RTL9: variants seen among roughly 807,000 people sequenced by gnomAD.
RTL9 encodes retrotransposon Gag-like protein 9.
Under a neutral mutation model 44.7 loss-of-function variants are expected in RTL9, and 19 were observed. The observed-to-expected ratio is 0.42, with a 90% CI of 0.30 to 0.62. RTL9 has a LOEUF of 0.62. RTL9 is among the 20% of genes least tolerant of loss of function. The pLI, the probability that RTL9 is intolerant of heterozygous loss-of-function variation, is 0.16. For synonymous variants in RTL9, 407 were observed against 398.9 expected (o/e 1.02, Z -0.24); for missense variants, 1,105 against 1,080.6 (o/e 1.02, Z -0.32).
At chrX:110,405,094 C>CA (rs1292670243) in intron 1 of RTL9, among the ~76,000 whole-genome samples, 1 of 100,234 alleles carries the variant, frequency 1.0e-5, no homozygotes, top group Non-Finnish European at 2.1e-5. Flanking sequence ...TGTGTCCCCC[C>CA]CCCCCCCAAG....
chrX:110,448,077 C>G (rs1490460619), upstream of RTL9, among the ~76,000 whole-genome samples: 1 of 112,283 alleles, frequency 8.9e-6, no homozygotes, highest in Admixed American at 9.4e-5. Flanking sequence ...TCCATGGAGC[C>G]TTTCTGTTGA....
At chrX:110,443,522 G>A (rs1406739698) in intron 1 of RTL9, among the ~76,000 whole-genome samples, 1 of 112,429 alleles carries the variant, frequency 8.9e-6, no homozygotes, top group African/African-American at 3.2e-5. Context: ...CAAGGTCAAT[G>A]TCAACAGATG....
upstream of RTL9, among the ~76,000 whole-genome samples, chrX:110,417,110 G>C (rs761484167): frequency 8.9e-6 from 1 of 111,990 alleles, no homozygotes; most frequent in African/African-American, 3.2e-5. Flanking sequence ...GGAACAGACA[G>C]AGTGCTCTTC....
At chrX:110,451,096 A>G in exon 1 of RTL9, 1 of 1,212,294 alleles carries the variant, frequency 8.2e-7, no homozygotes, top group Non-Finnish European at 1.1e-6. Context: ...GTAGCACCAG[A>G]TTCTGCAGAG....
chrX:110,444,630 G>T (rs950517081), intron 1 of RTL9, among the ~76,000 whole-genome samples: 2 of 112,449 alleles, frequency 1.8e-5, no homozygotes, highest in Non-Finnish European at 3.8e-5. Flanking sequence ...GTTTCTTAAT[G>T]ATTTTACTTG....
intron 1 of RTL9, among the ~76,000 whole-genome samples, 166 bp from the exon 2 acceptor site, chrX:110,444,987 G>T (rs1189991298): frequency 1.8e-5 from 2 of 112,498 alleles, no homozygotes; most frequent in Non-Finnish European, 3.8e-5. Flanking sequence ...AGGCAGTTCC[G>T]TTTGCTCTTC....
chrX:110,405,088 TCCCC>T (rs35297150), intron 1 of RTL9, among the ~76,000 whole-genome samples: 12 of 74,093 alleles, frequency 1.6e-4, no homozygotes, highest in African/African-American at 5.7e-4. Context: ...GCTTGTTGTG[TCCCC>T]CCCCCCCCCA....
intron 1 of RTL9, among the ~76,000 whole-genome samples, chrX:110,420,542 G>A (rs1306320772): frequency 8.9e-6 from 1 of 112,111 alleles, no homozygotes; most frequent in Non-Finnish European, 1.9e-5. Flanking sequence ...GCTTGATCCA[G>A]AAGGTTTCAT....
At chrX:110,401,819 G>A (rs1228962007) in intron 1 of RTL9, among the ~76,000 whole-genome samples, 1 of 112,269 alleles carries the variant, frequency 8.9e-6, no homozygotes, top group Admixed American at 9.4e-5. Flanking sequence ...TCTCCTAGAC[G>A]TGTTGTGAGG....
chrX:110,405,273 G>A (rs1358745826), intron 1 of RTL9, among the ~76,000 whole-genome samples: 2 of 111,779 alleles, frequency 1.8e-5, no homozygotes, highest in African/African-American at 6.5e-5. Context: ...AAATTGCAAA[G>A]GGAGCTTGTA....
upstream of RTL9, among the ~76,000 whole-genome samples, chrX:110,446,890 G>T (rs184136891): frequency 2.7e-5 from 3 of 111,364 alleles, no homozygotes; most frequent in East Asian, 8.4e-4. Context: ...GTGACATTGG[G>T]AAAGCTAGTT....
chrX:110,360,843 G>A (rs1390765873), intron 1 of RTL9, among the ~76,000 whole-genome samples: 1 of 111,182 alleles, frequency 9.0e-6, no homozygotes, highest in African/African-American at 3.3e-5. Flanking sequence ...TGAATTGAGA[G>A]ACATTATACA....
chrX:110,409,566 C>T (rs1391869811), intron 1 of RTL9, among the ~76,000 whole-genome samples: 1 of 111,244 alleles, frequency 9.0e-6, no homozygotes, highest in Non-Finnish European at 1.9e-5. Flanking sequence ...TCAATGCCCT[C>T]CATGCCCCCA....
intron 1 of RTL9, among the ~76,000 whole-genome samples, chrX:110,403,189 GA>G (rs1297933821): frequency 1.8e-5 from 2 of 111,860 alleles, no homozygotes; most frequent in Admixed American, 1.9e-4. Flanking sequence ...CCAGAGATGT[GA>G]CACCCCCCAG....
chrX:110,454,890 C>A (rs144908828), intron 1 of RTL9, among the ~76,000 whole-genome samples: 3 of 111,339 alleles, frequency 2.7e-5, no homozygotes, highest in Non-Finnish European at 3.8e-5. Context: ...TTACTGAGAA[C>A]GTGGGATAGT....
intron 1 of RTL9, among the ~76,000 whole-genome samples, chrX:110,431,272 C>T (rs774275554): frequency 1.8e-5 from 2 of 109,250 alleles, no homozygotes; most frequent in Non-Finnish European, 3.8e-5. Flanking sequence ...ATCATGGGGA[C>T]AGGGCTCCAA....
chrX:110,423,517 G>A (rs1396684356), intron 1 of RTL9, among the ~76,000 whole-genome samples: 2 of 111,487 alleles, frequency 1.8e-5, no homozygotes, highest in Non-Finnish European at 3.8e-5. Flanking sequence ...AGAGTGAAGG[G>A]TCCATTCAGT....
chrX:110,369,429 T>C (rs971758781), intron 1 of RTL9, among the ~76,000 whole-genome samples: 3 of 112,396 alleles, frequency 2.7e-5, no homozygotes, highest in African/African-American at 9.7e-5. Flanking sequence ...GTGTACACGA[T>C]ACAAAGTGCC....
At chrX:110,377,444 G>A (rs1348836832) in intron 1 of RTL9, among the ~76,000 whole-genome samples, 1 of 111,445 alleles carries the variant, frequency 9.0e-6, no homozygotes, top group Non-Finnish European at 1.9e-5. Context: ...GAACATTGCA[G>A]TAAATCACTG....
Sources: allele counts gnomAD v4.1 joint callset (sites outside exome capture counted in the v4.1 genomes callset), GRCh38; gene constraint gnomAD v4.1.1; transcripts MANE v1.5; gene names NCBI Gene and HGNC (gene_info 2026-07-23, HGNC 2026-07-21).